The following ARMC2 variants were observed in gnomAD, a reference collection of about 807,000 sequenced individuals.
The protein encoded by ARMC2 is armadillo repeat-containing protein 2.
Under a neutral mutation model 90.3 loss-of-function variants are expected in ARMC2, and 67 were observed. The ratio of observed to expected loss-of-function variants is 0.74; its 90% CI spans 0.61 to 0.91. The LOEUF (loss-of-function observed/expected upper bound fraction) is 0.91. ARMC2 is among the 40% of genes least tolerant of loss of function. The probability of loss-of-function intolerance (pLI) is 0.00; values close to 1 mark genes in which losing one functional copy is unlikely to be tolerated. For missense variants in ARMC2, 920 were observed against 1,030.9 expected (o/e 0.89, Z 1.47); for synonymous variants, 393 against 393.0 (o/e 1.00, Z 0.00).
chr6:109,011,234 T>C, the ARMC2 span, among the ~76,000 whole-genome samples: 1 of 152,260 alleles, frequency 6.6e-6, no homozygotes, highest in Admixed American at 6.5e-5. Flanking sequence ...GCTAACTGCA[T>C]GCATATAGTA....
In ARMC2 at chr6:108,904,313, A is replaced by G; in HGVS notation, c.931A>G (p.Lys311Glu). Residue 311 changes from lysine to glutamate, a missense_variant, in exon 8 of 18, where the codon AAG becomes GAG. Coordinates refer to ENST00000392644, the MANE Select transcript of ARMC2 (RefSeq NM_032131.6). ...EEGNMLGNKF[K>E]GRSILLKTLC... ...AGGAAACATGCTTGGAAATAAATTT[A>G]AGGGAAGAAGTATTCTCCTGAAGAC... 1 of 1,613,974 alleles carries G rather than the reference A, an allele frequency of 6.2e-7. No homozygotes were observed. The highest frequency in any genetic ancestry group is 8.5e-7 in the Non-Finnish European group (1 of 1,179,860).
chr6:108,967,360 A>G (rs746240908), intron 17 of ARMC2, among the ~76,000 whole-genome samples: 1 of 152,216 alleles, frequency 6.6e-6, no homozygotes, highest in Non-Finnish European at 1.5e-5. Flanking sequence ...AATCAGCCAT[A>G]AATAACAAGG....
At chr6:109,047,652 A>AG in the ARMC2 span, among the ~76,000 whole-genome samples, 1 of 146,310 alleles carries the variant, frequency 6.8e-6, no homozygotes, top group Admixed American at 6.7e-5. Flanking sequence ...TGGAATAGAA[A>AG]GGGGGGAAAG....
the ARMC2 span, among the ~76,000 whole-genome samples, chr6:108,980,344 C>T: frequency 6.6e-6 from 1 of 152,146 alleles, no homozygotes; most frequent in African/African-American, 2.4e-5. Flanking sequence ...AATATTGCTG[C>T]CTATTCCTTC....
the ARMC2 span, among the ~76,000 whole-genome samples, chr6:109,020,190 C>CT: frequency 5.3e-5 from 8 of 151,870 alleles, no homozygotes; most frequent in Non-Finnish European, 4.4e-5. Flanking sequence ...TTCTTTTTTT[C>CT]TTTTTTTTAT....
At chr6:108,852,635 T>C (rs1041448214) in intron 1 of ARMC2, among the ~76,000 whole-genome samples, 6 of 152,194 alleles carry the variant, frequency 3.9e-5, no homozygotes, top group African/African-American at 1.4e-4. Context: ...AGTGAGAGTC[T>C]ATTATTACTC....
intron 12 of ARMC2, among the ~76,000 whole-genome samples, chr6:108,947,543 A>G (rs763848188): frequency 5.9e-5 from 9 of 152,228 alleles, no homozygotes; most frequent in Non-Finnish European, 1.3e-4. Context: ...CCTGGTGAGC[A>G]GTGCCCTGTT....
At chr6:108,902,899 T>C (rs1379746361) in intron 7 of ARMC2, among the ~76,000 whole-genome samples, 1 of 152,108 alleles carries the variant, frequency 6.6e-6, no homozygotes, top group Non-Finnish European at 1.5e-5. Flanking sequence ...TGGCTGCCAC[T>C]TCCAAAAATT....
At chr6:108,959,616 T>G (rs2128509765) in intron 13 of ARMC2, 1 of 152,320 alleles carries the variant, frequency 6.6e-6, no homozygotes, top group Admixed American at 6.5e-5. Flanking sequence ...CTGCAGTCAC[T>G]GGCTCAGTGT....
At chr6:108,998,153 T>C in the ARMC2 span, among the ~76,000 whole-genome samples, 14 of 152,206 alleles carry the variant, frequency 9.2e-5, no homozygotes, top group Non-Finnish European at 2.1e-4. Context: ...GCACAAAAAG[T>C]CTCCACCACC....
chr6:108,935,664 AAC>A (rs1775902791), intron 11 of ARMC2, among the ~76,000 whole-genome samples: 2 of 151,998 alleles, frequency 1.3e-5, no homozygotes, highest in South Asian at 4.2e-4. Flanking sequence ...GCTGGTCTTG[AAC>A]TCCTGGCCTC....
At chr6:108,927,698 A>G (rs1401792141) in intron 10 of ARMC2, among the ~76,000 whole-genome samples, 1 of 134,982 alleles carries the variant, frequency 7.4e-6, no homozygotes, top group Non-Finnish European at 1.6e-5. Context: ...AGACAAGAAT[A>G]CCTATAAAAT....
chr6:108,897,113 A>AT (rs1188228795), intron 6 of ARMC2, among the ~76,000 whole-genome samples: 1 of 152,210 alleles, frequency 6.6e-6, no homozygotes, highest in East Asian at 1.9e-4. Flanking sequence ...GACCCAAAAG[A>AT]TTGAGATGGT....
intron 10 of ARMC2, among the ~76,000 whole-genome samples, chr6:108,921,610 C>G (rs1347967781): frequency 6.6e-6 from 1 of 152,176 alleles, no homozygotes; most frequent in Non-Finnish European, 1.5e-5. Flanking sequence ...CAATATGAAA[C>G]TTCTTGGGTT....
chr6:109,037,279 A>G, the ARMC2 span, among the ~76,000 whole-genome samples: 2 of 152,180 alleles, frequency 1.3e-5, no homozygotes, highest in Non-Finnish European at 2.9e-5. Context: ...GGTTATAAAA[A>G]TTTTGTTTTT....
At chr6:108,912,281 ATT>A (rs1773515874) in intron 9 of ARMC2, 52 bp from the exon 10 acceptor site, 1 of 1,303,274 alleles carries the variant, frequency 7.7e-7, no homozygotes, top group Admixed American at 2.3e-5. Flanking sequence ...GCTTTAATAT[ATT>A]TCTCTCCAGC....
At chr6:108,884,656 G>T (rs139872902) in intron 5 of ARMC2, among the ~76,000 whole-genome samples, 67 of 152,162 alleles carry the variant, frequency 4.4e-4, no homozygotes, top group African/African-American at 1.6e-3. Flanking sequence ...AAGCCATAGC[G>T]CTGAGCAGCA....
chr6:108,875,070 G>A (rs914176587), intron 4 of ARMC2, among the ~76,000 whole-genome samples: 3 of 151,906 alleles, frequency 2.0e-5, no homozygotes, highest in Admixed American at 6.6e-5. Context: ...CCCCACCCCC[G>A]CACACTGTAT....
At chr6:108,931,372 T>C (rs1348426213) in intron 11 of ARMC2, among the ~76,000 whole-genome samples, 1 of 151,990 alleles carries the variant, frequency 6.6e-6, no homozygotes, top group Non-Finnish European at 1.5e-5. Flanking sequence ...TGAGTAGTGC[T>C]GCAATGAACA....
Sources: allele counts gnomAD v4.1 joint callset (sites outside exome capture counted in the v4.1 genomes callset), GRCh38; gene constraint gnomAD v4.1.1; transcripts MANE v1.5; gene names NCBI Gene and HGNC (gene_info 2026-07-23, HGNC 2026-07-21).